The following CMTM7 variants were observed in gnomAD, a reference collection of about 807,000 sequenced individuals.
The protein encoded by CMTM7 is CKLF like MARVEL transmembrane domain containing 7.
A neutral mutation model predicts 19.3 loss-of-function variants in CMTM7; 7 were observed. The ratio of observed to expected loss-of-function variants is 0.36; its 90% CI spans 0.21 to 0.68. CMTM7 has a LOEUF of 0.68. Among genes scored for constraint, CMTM7 ranks in the 30% least tolerant of loss-of-function variants. CMTM7 has a pLI of 0.60. For missense variants in CMTM7, 193 were observed against 232.6 expected (o/e 0.83, Z 1.11); for synonymous variants, 87 against 99.3 (o/e 0.88, Z 0.74).
chr3:32,441,967 T>C lies in CMTM7; in HGVS notation c.287T>C (p.Leu96Pro), dbSNP rs759152912. ...IMILAFYLVH[L>P]FRFYRVLTCI... is the part of the protein sequence containing the mutation. ...ATCCTCGCCTTTTACCTGGTCCACC[T>C]CTTCCGCTTCTACCGCGTGCTCACC... Residue 96 changes from leucine to proline, a missense_variant, in exon 2 of 5, where the codon CTC becomes CCC. Leu to Pro is a moderately conservative substitution (Grantham distance 98). Transcript: ENST00000334983. 10 of 1,614,194 alleles carry C rather than the reference T, an allele frequency of 6.2e-6. No individual in the cohort carries two copies. The highest frequency in any genetic ancestry group is 8.5e-6 in the Non-Finnish European group (10 of 1,180,038).
At chr3:32,399,496 C>G (rs1437862965) in intron 1 of CMTM7, among the ~76,000 whole-genome samples, 1 of 152,066 alleles carries the variant, frequency 6.6e-6, no homozygotes, top group Non-Finnish European at 1.5e-5. Context: ...CCTGGAGACC[C>G]TCTAAGAGGC....
intron 1 of CMTM7, among the ~76,000 whole-genome samples, chr3:32,418,811 A>G (rs1041224291): frequency 6.6e-6 from 1 of 152,208 alleles, no homozygotes; most frequent in Non-Finnish European, 1.5e-5. Flanking sequence ...TTAATAGTAA[A>G]TCTTGAAATT....
chr3:32,448,673 A>G lies in CMTM7; in HGVS notation c.334-781A>G, dbSNP rs1159248983. Reference sequence around the variant, plus strand: ...TGAGTGGGGTGGAAATGCATGGCCCATGGGCCAAGGCGAGAAGCAAAGGTG... The same window carrying G: ...TGAGTGGGGTGGAAATGCATGGCCCGTGGGCCAAGGCGAGAAGCAAAGGTG... On this transcript the variant is annotated intron_variant, in intron 2 of 4. Transcript: ENST00000334983. 5.3e-5 allele frequency among the ~76,000 whole-genome samples: 8 copies of G among 152,082 alleles called. No homozygotes were observed. The South Asian group carries it at 1.7e-3, about 32-fold the overall frequency.
At chr3:32,452,218 G>A (rs1034654821) in intron 3 of CMTM7, 174 bp from the exon 4 acceptor site, 39 of 1,512,876 alleles carry the variant, frequency 2.6e-5, no homozygotes, top group African/African-American at 2.5e-4. Context: ...TGGGCCTCGC[G>A]GGGCTTCCTC....
chr3:32,450,793 T>C (rs1384398966), intron 3 of CMTM7, among the ~76,000 whole-genome samples: 1 of 152,226 alleles, frequency 6.6e-6, no homozygotes, highest in Non-Finnish European at 1.5e-5. Flanking sequence ...CCCACTGTGT[T>C]TAGTAATTCA....
rs541265527 is a variant in CMTM7 at position 32,452,251 on chromosome 3, G to A, written c.433-141G>A. Reference sequence around the variant, plus strand: ...CTCTCTGCACCTGATCCAGGATGAGGTGGTTGGGTTAGATGACTCTCCAAG... The same window carrying A: ...CTCTCTGCACCTGATCCAGGATGAGATGGTTGGGTTAGATGACTCTCCAAG... On this transcript the variant is annotated intron_variant, in intron 3 of 4. Transcript: ENST00000334983. 184 of 1,554,988 alleles carry A rather than the reference G, an allele frequency of 1.2e-4. 2 individuals are homozygous for A. Among genetic ancestry groups the A allele is most frequent in the South Asian group, 8.0e-4 (68 of 84,826 alleles).
chr3:32,427,675 C>G (rs984331049), intron 1 of CMTM7, among the ~76,000 whole-genome samples: 1 of 152,170 alleles, frequency 6.6e-6, no homozygotes, highest in African/African-American at 2.4e-5. Flanking sequence ...TCCATCATCA[C>G]AGAAAGTTCT....
At chr3:32,413,863 C>T (rs189343750) in intron 1 of CMTM7, among the ~76,000 whole-genome samples, 98 of 152,246 alleles carry the variant, frequency 6.4e-4, no homozygotes, top group Non-Finnish European at 1.2e-3. Context: ...GGCATTCATC[C>T]GCCGCAGGTT....
At chr3:32,397,103 A>C (rs536208204) in intron 1 of CMTM7, among the ~76,000 whole-genome samples, 6 of 152,202 alleles carry the variant, frequency 3.9e-5, no homozygotes, top group Admixed American at 3.3e-4. Flanking sequence ...CTTCAGGGCA[A>C]GTTGTAGAGT....
At chr3:32,431,901 G>T (rs1459953321) in intron 1 of CMTM7, among the ~76,000 whole-genome samples, 1 of 152,212 alleles carries the variant, frequency 6.6e-6, no homozygotes, top group Non-Finnish European at 1.5e-5. Context: ...GGAGACCGAG[G>T]TGAGCAAATA....
intron 1 of CMTM7, among the ~76,000 whole-genome samples, chr3:32,404,233 C>G (rs1696057856): frequency 6.8e-6 from 1 of 147,476 alleles, no homozygotes; most frequent in African/African-American, 2.6e-5. Context: ...CAATCTCGGC[C>G]CACTGCAACC....
At chr3:32,439,256 G>A (rs1280806274) in intron 1 of CMTM7, among the ~76,000 whole-genome samples, 3 of 152,194 alleles carry the variant, frequency 2.0e-5, no homozygotes, top group Non-Finnish European at 4.4e-5. Context: ...TTGTGTCACA[G>A]CCACACTCTT....
At chr3:32,424,227 G>A (rs1696391472) in intron 1 of CMTM7, among the ~76,000 whole-genome samples, 1 of 152,136 alleles carries the variant, frequency 6.6e-6, no homozygotes, top group Non-Finnish European at 1.5e-5. Context: ...CCTACACATG[G>A]CCTCTCCAGT....
chr3:32,429,599 GT>G (rs1251159803), intron 1 of CMTM7, among the ~76,000 whole-genome samples: 1 of 142,152 alleles, frequency 7.0e-6, no homozygotes, highest in African/African-American at 2.6e-5. Flanking sequence ...CTGGAGCAGT[GT>G]ATTTTTTTTT....
At chr3:32,442,970 T>G (rs1412332592) in intron 2 of CMTM7, among the ~76,000 whole-genome samples, 1 of 152,206 alleles carries the variant, frequency 6.6e-6, no homozygotes, top group Non-Finnish European at 1.5e-5. Flanking sequence ...ATCTTCTGTC[T>G]CTAAAATTTT....
At chr3:32,432,265 A>G (rs1696530737) in intron 1 of CMTM7, among the ~76,000 whole-genome samples, 1 of 152,204 alleles carries the variant, frequency 6.6e-6, no homozygotes, top group South Asian at 2.1e-4. Context: ...GGTATTCAGT[A>G]GATGGTTGCC....
intron 2 of CMTM7, among the ~76,000 whole-genome samples, chr3:32,448,892 G>A (rs758082596): frequency 6.6e-6 from 1 of 151,974 alleles, no homozygotes; most frequent in Non-Finnish European, 1.5e-5. Flanking sequence ...GTCTGAGTCT[G>A]ACGGGACCCT....
Position 32,441,734 on chromosome 3 carries a change from T to A in CMTM7, c.160-106T>A, listed in dbSNP as rs1027009559. The A allele has an allele frequency of 8.5e-6, 8 of 936,966 alleles. No homozygotes were observed. In the East Asian group the frequency reaches 1.9e-4, roughly 22 times the overall value. The allele number at this position is 936,966 out of a possible 1,614,324, so 58.0% of individuals were successfully genotyped here. A position where few individuals can be genotyped will look rare whatever the true frequency, so the allele number is the denominator to read the frequency against. On this transcript the variant is annotated intron_variant, in intron 1 of 4. Coordinates refer to ENST00000334983, the MANE Select transcript of CMTM7 (RefSeq NM_138410.4). ...TAACCTGAATTGTATTAATAGCAGTTCTTCAATGTGGGCCTGCTGGGGGAT... is the reference window on the plus strand; with the variant it reads ...TAACCTGAATTGTATTAATAGCAGTACTTCAATGTGGGCCTGCTGGGGGAT...
Position 32,392,074 on chromosome 3 carries a change from G to A in CMTM7, c.159+9G>A. 8.1e-7 allele frequency: 1 copy of A among 1,232,930 alleles called. No homozygotes were observed. Among genetic ancestry groups the A allele is most frequent in the Non-Finnish European group, 1.0e-6 (1 of 986,486 alleles). 76.4% of individuals were successfully genotyped at this position (1,232,930 alleles called of 1,614,324 possible). On this transcript the variant is annotated intron_variant, in intron 1 of 4. Coordinates refer to ENST00000334983, the MANE Select transcript of CMTM7 (RefSeq NM_138410.4). ...TGAAAGTGGCGCAAATGGTAAGTGA[G>A]CGCGGGGCGCGAGGCCGAGGTTCTA... is the stretch of plus-strand genomic sequence containing the variant.
Sources: allele counts gnomAD v4.1 joint callset (sites outside exome capture counted in the v4.1 genomes callset), GRCh38; gene constraint gnomAD v4.1.1; transcripts MANE v1.5; gene names NCBI Gene and HGNC (gene_info 2026-07-23, HGNC 2026-07-21).